Variants in GRIK2 observed in about 807,000 individuals in gnomAD.
GRIK2 encodes the protein glutamate ionotropic receptor kainate type subunit 2.
A neutral mutation model predicts 100.3 loss-of-function variants in GRIK2; 32 were observed. The observed-to-expected ratio is 0.32, with a 90% CI of 0.24 to 0.43. The LOEUF (loss-of-function observed/expected upper bound fraction) is 0.43. Among genes scored for constraint, GRIK2 ranks in the 20% least tolerant of loss-of-function variants. GRIK2 has a pLI of 1.00. For missense variants in GRIK2, 843 were observed against 1,114.9 expected (o/e 0.76, Z 3.47); for synonymous variants, 417 against 389.4 (o/e 1.07, Z -0.83).
chr6:101,966,226 G>T (rs1028589762), intron 14 of GRIK2, among the ~76,000 whole-genome samples: 1 of 152,028 alleles, frequency 6.6e-6, no homozygotes, highest in Non-Finnish European at 1.5e-5. Context: ...TTAACAAATT[G>T]TTTAGCTAAG....
At chr6:101,688,929 A>G (rs1418417891) in intron 7 of GRIK2, among the ~76,000 whole-genome samples, 1 of 152,026 alleles carries the variant, frequency 6.6e-6, no homozygotes, top group Non-Finnish European at 1.5e-5. Flanking sequence ...AAAAAAATAC[A>G]TAAAATATTT....
chr6:101,658,940 G>C (rs999571018), intron 4 of GRIK2, among the ~76,000 whole-genome samples: 5 of 152,044 alleles, frequency 3.3e-5, no homozygotes, highest in Non-Finnish European at 7.4e-5. Context: ...TTGTCAGATA[G>C]ATAGATAGCA....
chr6:101,669,714 A>C (rs762094902), intron 4 of GRIK2, among the ~76,000 whole-genome samples: 1 of 152,190 alleles, frequency 6.6e-6, no homozygotes, highest in Admixed American at 6.5e-5. Flanking sequence ...CACATAAGTT[A>C]TACTACAGGA....
At chr6:102,052,931 G>T (rs1188549903) in intron 15 of GRIK2, among the ~76,000 whole-genome samples, 1 of 152,016 alleles carries the variant, frequency 6.6e-6, no homozygotes, top group Non-Finnish European at 1.5e-5. Context: ...ATACAGATGA[G>T]GTGGCGGGCA....
chr6:101,993,607 A>G (rs1794491100), intron 14 of GRIK2: 1 of 150,826 alleles, frequency 6.6e-6, no homozygotes, highest in African/African-American at 2.4e-5. Context: ...CTTTATGTAA[A>G]TGGTTATAGC....
At chr6:101,509,987 A>C (rs1562190151) in intron 2 of GRIK2, among the ~76,000 whole-genome samples, 1 of 152,240 alleles carries the variant, frequency 6.6e-6, no homozygotes, top group African/African-American at 2.4e-5. Context: ...TTTAAGAAAT[A>C]AATGTGAATT....
At chr6:101,649,415 C>T (rs1781684110) in intron 4 of GRIK2, among the ~76,000 whole-genome samples, 1 of 152,046 alleles carries the variant, frequency 6.6e-6, no homozygotes, top group African/African-American at 2.4e-5. Flanking sequence ...ATGCTTTTGT[C>T]ATGCCACTGC....
intron 14 of GRIK2, among the ~76,000 whole-genome samples, chr6:101,998,103 AC>A (rs1395500467): frequency 1.3e-5 from 2 of 152,082 alleles, no homozygotes; most frequent in East Asian, 3.9e-4. Flanking sequence ...TGGACCACAC[AC>A]CTTTTCTCAA....
intron 2 of GRIK2, among the ~76,000 whole-genome samples, chr6:101,516,251 T>A (rs1774578970): frequency 6.6e-6 from 1 of 152,064 alleles, no homozygotes; most frequent in Non-Finnish European, 1.5e-5. Context: ...AAAATTTATA[T>A]GGGACCTAAA....
chr6:101,992,133 A>G (rs1794409729), intron 14 of GRIK2, among the ~76,000 whole-genome samples: 1 of 151,496 alleles, frequency 6.6e-6, no homozygotes, highest in Admixed American at 6.6e-5. Flanking sequence ...GTTAATATTT[A>G]TGTTAATTAA....
intron 11 of GRIK2, among the ~76,000 whole-genome samples, chr6:101,863,919 T>C (rs1021271857): frequency 3.2e-4 from 49 of 151,380 alleles, no homozygotes; most frequent in African/African-American, 1.1e-3. Flanking sequence ...GGGTGGATCA[T>C]GAGGTCAGGA....
At chr6:101,682,970 G>A (rs73510650) in intron 6 of GRIK2, among the ~76,000 whole-genome samples, 3,652 of 152,120 alleles carry the variant, frequency 0.024, 149 homozygotes, top group African/African-American at 0.084. Flanking sequence ...TTGGTAGGCC[G>A]GGGCAGAAGG....
chr6:101,566,496 A>T (rs192916777), intron 2 of GRIK2, among the ~76,000 whole-genome samples: 1 of 128,326 alleles, frequency 7.8e-6, no homozygotes, highest in Admixed American at 7.0e-5. Flanking sequence ...TTTAAAAAAG[A>T]GTCTTGCCTT....
intron 7 of GRIK2, among the ~76,000 whole-genome samples, chr6:101,741,478 C>T (rs1776028774): frequency 6.6e-6 from 1 of 152,072 alleles, no homozygotes; most frequent in Non-Finnish European, 1.5e-5. Context: ...CATTGCAAAC[C>T]CTCAGGAGTA....
In GRIK2 at chr6:102,068,600, G is replaced by A; in HGVS notation, c.*89G>A. ...TTTCCTGTGGAAATATGCAACCTGTGCAAAATAAAATGAGTTACCTCATGC... is the reference window on the plus strand; with the variant it reads ...TTTCCTGTGGAAATATGCAACCTGTACAAAATAAAATGAGTTACCTCATGC... On this transcript the variant is annotated 3_prime_UTR_variant, in exon 17 of 17. Transcript: ENST00000369134. The A allele has an allele frequency of 7.7e-6, 9 of 1,166,306 alleles. No individual in the cohort carries two copies. The highest frequency in any genetic ancestry group is 1.1e-5 in the Non-Finnish European group (9 of 815,066). The allele number at this position is 1,166,306 out of a possible 1,614,324, so 72.2% of individuals were successfully genotyped here. A position where few individuals can be genotyped will look rare whatever the true frequency, so the allele number is the denominator to read the frequency against.
intron 2 of GRIK2, among the ~76,000 whole-genome samples, chr6:101,554,551 A>C (rs1327369243): frequency 6.6e-6 from 1 of 152,176 alleles, no homozygotes; most frequent in East Asian, 1.9e-4. Context: ...CTCTGCCTTT[A>C]TATCTACTCC....
At chr6:102,031,046 A>G (rs1285793211) in intron 14 of GRIK2, among the ~76,000 whole-genome samples, 5 of 147,990 alleles carry the variant, frequency 3.4e-5, no homozygotes, top group African/African-American at 1.2e-4. Context: ...TCTTCTTTTT[A>G]TATTTCAATA....
In GRIK2 at chr6:101,731,035, A is replaced by T. The variant is rs536535084; in HGVS notation, c.951+44682A>T. ...AAATAGATGATTGATTACTATTCATAGTTCTTCAACTTTCTTTCTAAGCAA... is the reference window on the plus strand; with the variant it reads ...AAATAGATGATTGATTACTATTCATTGTTCTTCAACTTTCTTTCTAAGCAA... On this transcript the variant is annotated intron_variant, in intron 7 of 16. Coordinates refer to ENST00000369134, the MANE Select transcript of GRIK2 (RefSeq NM_021956.5). 7.2e-5 allele frequency among the ~76,000 whole-genome samples: 11 copies of T among 152,162 alleles called. No individual in the cohort carries two copies. The South Asian group carries it at 8.3e-4, about 11-fold the overall frequency.
At position 101,739,202 on chromosome 6, in the gene GRIK2, T is replaced by C. The variant is rs977630609; in HGVS notation, c.951+52849T>C. Among the ~76,000 whole-genome samples, 7 of 152,336 alleles carry C rather than the reference T, an allele frequency of 4.6e-5. No homozygotes were observed. The South Asian group carries it at 8.3e-4, about 18-fold the overall frequency. The stretch of plus-strand genomic sequence containing the variant: ...TGAATAGAACATTAATAACTTCAAA[T>C]GGACTATCGCATGCTATTGATTTTA... On this transcript the variant is annotated intron_variant, in intron 7 of 16. Coordinates refer to ENST00000369134, the MANE Select transcript of GRIK2 (RefSeq NM_021956.5).
Sources: allele counts gnomAD v4.1 joint callset (sites outside exome capture counted in the v4.1 genomes callset), GRCh38; gene constraint gnomAD v4.1.1; transcripts MANE v1.5; gene names NCBI Gene and HGNC (gene_info 2026-07-23, HGNC 2026-07-21).